Variants in DYDC2 observed in about 807,000 individuals in gnomAD.
DYDC2 encodes the protein DPY30 domain-containing protein 2.
Under a neutral mutation model 18.7 loss-of-function variants are expected in DYDC2, and 19 were observed. That is an observed-to-expected ratio of 1.02 (90% CI 0.71 to 1.49). The LOEUF is 1.49. DYDC2 is among the 40% of genes most tolerant of loss of function. The pLI, the probability that DYDC2 is intolerant of heterozygous loss-of-function variation, is 0.00. For missense variants in DYDC2, 179 were observed against 205.1 expected (o/e 0.87, Z 0.78); for synonymous variants, 63 against 67.6 (o/e 0.93, Z 0.34).
chr10:80,353,930 T>C (rs1239599984), upstream of DYDC2, among the ~76,000 whole-genome samples: 1 of 152,026 alleles, frequency 6.6e-6, no homozygotes, highest in East Asian at 1.9e-4. Context: ...TTTTGGAAAC[T>C]ATGTGAAACC....
intron 1 of DYDC2, among the ~76,000 whole-genome samples, chr10:80,357,691 T>C (rs528995218): frequency 2.0e-5 from 3 of 152,272 alleles, no homozygotes; most frequent in African/African-American, 7.2e-5. Flanking sequence ...CCTTGCAGTC[T>C]TCCCTGGCCT....
At chr10:80,366,044 T>C (rs1408819410) in intron 4 of DYDC2, among the ~76,000 whole-genome samples, 1 of 140,526 alleles carries the variant, frequency 7.1e-6, no homozygotes, top group East Asian at 2.0e-4. Flanking sequence ...TTTTTTTTTT[T>C]TTTTTTGAGA....
upstream of DYDC2, among the ~76,000 whole-genome samples, chr10:80,353,413 C>T (rs559884465): frequency 6.6e-3 from 999 of 151,426 alleles, 5 homozygotes; most frequent in South Asian, 0.015. Context: ...CCGCCCACCT[C>T]GGCCTCCCAA....
At chr10:80,354,659 G>C (rs149149257), upstream of DYDC2, among the ~76,000 whole-genome samples, 97 of 152,256 alleles carry the variant, frequency 6.4e-4, no homozygotes, top group African/African-American at 2.1e-3. Context: ...TAGATCATTA[G>C]TGTGGAGCCG....
At position 80,366,876 on chromosome 10, in the gene DYDC2, A is replaced by G. The variant is rs776887894; in HGVS notation, c.459A>G (p.Gln153=). 6.2e-7 allele frequency: 1 copy of G among 1,614,070 alleles called. No individual in the cohort carries two copies. Among genetic ancestry groups the G allele is most frequent in the African/African-American group, 1.3e-5 (1 of 74,934 alleles). The stretch of plus-strand genomic sequence containing the variant: ...TTGACCAGAACTTCAAAATGCCACA[A>G]GAAATAAATTACAAGGAGGCTTTTC... The part of the protein sequence containing the change: ...GQIDQNFKMP[Q]EINYKEAFQH... Residue 153 remains glutamine, a synonymous_variant, in exon 5 of 5, where the codon CAA becomes CAG. Transcript: ENST00000256039.
At chr10:80,356,582 C>T (rs1273831775), upstream of DYDC2, 36 of 985,380 alleles carry the variant, frequency 3.7e-5, no homozygotes, top group Non-Finnish European at 4.3e-5. Context: ...GCGAAGCGGC[C>T]TCTCTCCGCC....
chr10:80,363,746 A>T (rs986418465), intron 4 of DYDC2, among the ~76,000 whole-genome samples: 1 of 152,176 alleles, frequency 6.6e-6, no homozygotes, highest in African/African-American at 2.4e-5. Flanking sequence ...TATTTTTCAG[A>T]AACCAAATAT....
upstream of DYDC2, chr10:80,356,460 G>A (rs927769443): frequency 2.7e-5 from 27 of 985,230 alleles, no homozygotes; most frequent in Non-Finnish European, 3.3e-5. Flanking sequence ...GGCGCTCAGT[G>A]TGGTTTTCCC....
chr10:80,359,165 G>C (rs907788189), intron 2 of DYDC2, among the ~76,000 whole-genome samples: 2 of 152,176 alleles, frequency 1.3e-5, no homozygotes, highest in Admixed American at 1.3e-4. Flanking sequence ...GTTTTACAGA[G>C]AGCTGATTGG....
chr10:80,348,159 A>G (rs1028410665), intron 1 of DYDC2, among the ~76,000 whole-genome samples: 3 of 152,208 alleles, frequency 2.0e-5, no homozygotes, highest in Non-Finnish European at 4.4e-5. Flanking sequence ...TTCAAGGTAT[A>G]GATGTTTCAC....
At chr10:80,360,617 C>CA (rs1843635242) in intron 2 of DYDC2, among the ~76,000 whole-genome samples, 1 of 152,158 alleles carries the variant, frequency 6.6e-6, no homozygotes, top group African/African-American at 2.4e-5. Flanking sequence ...AGAACAAGGA[C>CA]ATTCTCTTAC....
intron 3 of DYDC2, 86 bp from the exon 4 acceptor site, chr10:80,362,865 A>G: frequency 1.3e-6 from 2 of 1,510,584 alleles, no homozygotes; most frequent in Non-Finnish European, 1.8e-6. Context: ...AAGAGCCCAC[A>G]GCCCATATCA....
At chr10:80,359,445 C>T (rs576142982) in intron 2 of DYDC2, among the ~76,000 whole-genome samples, 1 of 152,334 alleles carries the variant, frequency 6.6e-6, no homozygotes, top group Non-Finnish European at 1.5e-5. Flanking sequence ...CCTAGTGGAT[C>T]CCGCATCAGG....
In DYDC2 at chr10:80,367,251, GGCC is replaced by G; in HGVS notation, c.*301_*303del. On this transcript the variant is annotated 3_prime_UTR_variant, in exon 5 of 5. Coordinates refer to ENST00000256039, the MANE Select transcript of DYDC2 (RefSeq NM_032372.6). ...GTTGGGGTGATCAGACCCAACACCC[GGCC>G]ATGGGGGCTACAAAGTCCAGCCGAG... 1 of 238,614 alleles carries G rather than the reference GGCC, an allele frequency of 4.2e-6. No homozygotes were observed. Among genetic ancestry groups the G allele is most frequent in the Non-Finnish European group, 8.0e-6 (1 of 125,520 alleles). The allele number at this position is 238,614 out of a possible 1,614,324, so 14.8% of individuals were successfully genotyped here.
chr10:80,359,446 C>A (rs542037584), intron 2 of DYDC2, among the ~76,000 whole-genome samples: 38 of 152,346 alleles, frequency 2.5e-4, no homozygotes, highest in African/African-American at 9.1e-4. Context: ...CTAGTGGATC[C>A]CGCATCAGGG....
chr10:80,358,383 T>TA (rs748728360), intron 2 of DYDC2, among the ~76,000 whole-genome samples: 1 of 151,844 alleles, frequency 6.6e-6, no homozygotes, highest in Non-Finnish European at 1.5e-5. Context: ...CTCTTAAAAA[T>TA]AAAAAATAAA....
chr10:80,362,496 T>A lies in DYDC2; in HGVS notation c.53T>A (p.Leu18Gln). ...TTTGGAAATTGCCTGGCCCAGGCAC[T>A]GGCAGAGGTGGCGAAGGTTCGGCCC... ...RCFGNCLAQALAEVAKVRPSD... is the reference protein window; with the variant it reads ...RCFGNCLAQAQAEVAKVRPSD... The change falls in exon 3 of 5, where the codon CTG becomes CAG. Residue 18 changes from leucine to glutamine, a missense_variant. Coordinates refer to ENST00000256039, the MANE Select transcript of DYDC2 (RefSeq NM_032372.6). 3.7e-6 allele frequency: 6 copies of A among 1,614,164 alleles called. No homozygotes were observed. Among genetic ancestry groups the A allele is most frequent in the Non-Finnish European group, 5.1e-6 (6 of 1,180,012 alleles).
chr10:80,362,356 T>C, intron 2 of DYDC2, 79 bp from the exon 3 acceptor site: 2 of 1,514,142 alleles, frequency 1.3e-6, no homozygotes, highest in Non-Finnish European at 1.8e-6. Flanking sequence ...GAAATAAATC[T>C]GAATTGGTTA....
In DYDC2 at chr10:80,366,669, T is replaced by A; in HGVS notation, c.271-19T>A. 1 of 1,578,468 alleles carries A rather than the reference T, an allele frequency of 6.3e-7. No individual in the cohort carries two copies. The highest frequency in any genetic ancestry group is 8.6e-7 in the Non-Finnish European group (1 of 1,163,650). ...TAGTCTCTAATAATAAGTTTTCGGC[T>A]TTTTTGTTTTCTATTTAGGAACTGA... On this transcript the variant is annotated intron_variant, in intron 4 of 4. Coordinates refer to ENST00000256039, the MANE Select transcript of DYDC2 (RefSeq NM_032372.6).
Sources: gnomAD v4.1 joint callset for allele counts (sites outside exome capture counted in the v4.1 genomes callset) on GRCh38, gnomAD v4.1.1 for gene constraint, MANE v1.5 for transcripts, NCBI Gene and HGNC (gene_info 2026-07-23, HGNC 2026-07-21) for gene names.